The following RIMS3 variants were observed in gnomAD, a reference collection of about 807,000 sequenced individuals.
The protein encoded by RIMS3 is regulating synaptic membrane exocytosis protein 3.
In RIMS3, 15 loss-of-function variants were observed where a neutral mutation model predicts 29.2. The observed-to-expected ratio is 0.51, with a 90% CI of 0.34 to 0.79. The LOEUF is 0.79. Ranked by LOEUF, RIMS3 falls within the 30% of genes least tolerant of loss-of-function variation. The pLI is 0.01. For synonymous variants in RIMS3, 161 were observed against 170.1 expected, an observed-to-expected ratio of 0.95 and a Z score of 0.41; for missense variants, 342 against 421.4, an observed-to-expected ratio of 0.81 and a Z score of 1.65.
the RIMS3 span, among the ~76,000 whole-genome samples, chr1:40,680,847 AT>A: frequency 6.6e-6 from 1 of 152,196 alleles, no homozygotes; most frequent in Non-Finnish European, 1.5e-5. Flanking sequence ...TTTGAAACAC[AT>A]TGTCCATATT....
At chr1:40,664,877 G>C (rs1478584335) in intron 1 of RIMS3, among the ~76,000 whole-genome samples, 9 of 152,126 alleles carry the variant, frequency 5.9e-5, no homozygotes, top group Non-Finnish European at 1.2e-4. Context: ...TGCATTCCCA[G>C]CTTCCCAAAG....
chr1:40,635,211 T>C lies in RIMS3; in HGVS notation c.359+705A>G, dbSNP rs545987733. On this transcript the variant is annotated intron_variant, in intron 4 of 7. Coordinates refer to ENST00000372684, the MANE Select transcript of RIMS3 (RefSeq NM_014747.3). The surrounding 1 kb of genome is among the most constrained non-coding windows in gnomAD (Gnocchi z 4.1). The stretch of plus-strand genomic sequence containing the variant: ...AAGCAGAAAATCTTAGTCATACAAC[T>C]ATAATTTCATAGACTTAGAAGAGAT... 3.9e-5 allele frequency among the ~76,000 whole-genome samples: 6 copies of C among 152,322 alleles called. No individual in the cohort carries two copies. Among genetic ancestry groups the C allele is most frequent in the South Asian group, 2.1e-4 (1 of 4,826 alleles).
the RIMS3 span, among the ~76,000 whole-genome samples, chr1:40,678,132 G>T: frequency 6.6e-6 from 1 of 152,234 alleles, no homozygotes; most frequent in Non-Finnish European, 1.5e-5. Context: ...GCAGGGCCAG[G>T]TGCGGTGGCT....
At chr1:40,685,321 TTAATATATAATATAATTATATTATA>T in the RIMS3 span, among the ~76,000 whole-genome samples, 1 of 18,044 alleles carries the variant, frequency 5.5e-5, no homozygotes. Context: ...TATATAATTA[TTAATATATAATATAATTATATTATA>T]TATATATTAT....
At chr1:40,690,555 G>A in the RIMS3 span, 3 of 152,178 alleles carry the variant, frequency 2.0e-5, no homozygotes, top group African/African-American at 7.2e-5. Context: ...TGAAGGAATT[G>A]AGACTCCCTG....
At chr1:40,630,510 T>C (rs1001398231) in intron 5 of RIMS3, among the ~76,000 whole-genome samples, 4 of 152,200 alleles carry the variant, frequency 2.6e-5, no homozygotes, top group Non-Finnish European at 5.9e-5. Flanking sequence ...ATCATGAAAT[T>C]GTTTGTATTT....
chr1:40,681,363 A>T, the RIMS3 span: 1 of 151,558 alleles, frequency 6.6e-6, no homozygotes, highest in Non-Finnish European at 1.5e-5. Flanking sequence ...AGAAATCAGA[A>T]GTGGATTTTG....
chr1:40,691,038 G>A, the RIMS3 span: 1 of 152,236 alleles, frequency 6.6e-6, no homozygotes, highest in Non-Finnish European at 1.5e-5. Context: ...CAATCCTGAT[G>A]CCTTTGGACC....
Position 40,622,559 on chromosome 1 carries a change from G to A in RIMS3, c.*3958C>T, listed in dbSNP as rs1646428389. 1 of 152,390 alleles carries A rather than the reference G, an allele frequency of 6.6e-6. No individual in the cohort carries two copies. The highest frequency in any genetic ancestry group is 2.1e-4 in the South Asian group (1 of 4,834). The allele number at this position is 152,390 out of a possible 1,614,324, so 9.4% of individuals were successfully genotyped here. On this transcript the variant is annotated 3_prime_UTR_variant, in exon 8 of 8. Coordinates refer to ENST00000372684, the MANE Select transcript of RIMS3 (RefSeq NM_014747.3). ...TGGAAGAGAAAGGTAGGAGGAGGCA[G>A]GGAAGCAGGGCTCTTCTTTTCCATC...
chr1:40,633,203 C>T (rs767805925), intron 4 of RIMS3, 22 bp from the exon 5 acceptor site: 43 of 1,595,132 alleles, frequency 2.7e-5, no homozygotes, highest in African/African-American at 4.0e-5. Flanking sequence ...GGCAGAGGGA[C>T]GCGTGAGGGG....
At chr1:40,638,190 A>G (rs898872449) in intron 3 of RIMS3, among the ~76,000 whole-genome samples, 1 of 152,186 alleles carries the variant, frequency 6.6e-6, no homozygotes, top group African/African-American at 2.4e-5. Flanking sequence ...AGCTGGGACT[A>G]GATCAGGCCC....
chr1:40,643,132 G>A (rs1646570548), intron 2 of RIMS3, among the ~76,000 whole-genome samples: 1 of 151,552 alleles, frequency 6.6e-6, no homozygotes, highest in Non-Finnish European at 1.5e-5. Flanking sequence ...TCTTTTATTT[G>A]TATTTATTTA....
At chr1:40,674,812 T>C in the RIMS3 span, among the ~76,000 whole-genome samples, 2 of 152,206 alleles carry the variant, frequency 1.3e-5, no homozygotes, top group African/African-American at 4.8e-5. Context: ...AACCTTAGAC[T>C]TACCAGGCTT....
In RIMS3 at chr1:40,623,204, AGTGCTCCTTTCCTAGTAGAATTGGGTG is replaced by A. The variant is rs1050618666; in HGVS notation, c.*3286_*3312del. The A allele has an allele frequency of 2.6e-6, 1 of 389,896 alleles. No homozygotes were observed. Among genetic ancestry groups the A allele is most frequent in the African/African-American group, 2.1e-5 (1 of 48,456 alleles). The allele number at this position is 389,896 out of a possible 1,614,324, so 24.2% of individuals were successfully genotyped here. ...CTTGCTGCATCCCAAGAGCCTCCTA[AGTGCTCCTTTCCTAGTAGAATTGGGTG>A]GTAGAAGAAACCAGATGGGGAGTCA... On this transcript the variant is annotated 3_prime_UTR_variant, in exon 8 of 8. Transcript: ENST00000372684.
the RIMS3 span, among the ~76,000 whole-genome samples, chr1:40,682,691 C>T: frequency 6.7e-6 from 1 of 148,942 alleles, no homozygotes; most frequent in Admixed American, 6.7e-5. Flanking sequence ...TTAATTCACT[C>T]ATAGTCCCTT....
intron 3 of RIMS3, among the ~76,000 whole-genome samples, chr1:40,638,839 A>T (rs1646537835): frequency 6.6e-6 from 1 of 152,212 alleles, no homozygotes; most frequent in Non-Finnish European, 1.5e-5. Context: ...CATTTTACAG[A>T]AGAGGAAACT....
intron 4 of RIMS3, among the ~76,000 whole-genome samples, chr1:40,634,423 A>G (rs1646507456): frequency 6.6e-6 from 1 of 152,166 alleles, no homozygotes; most frequent in Non-Finnish European, 1.5e-5. Flanking sequence ...AAGGTTAAAT[A>G]AAGAAACTTA....
the RIMS3 span, among the ~76,000 whole-genome samples, chr1:40,676,941 A>T: frequency 2.0e-5 from 3 of 152,118 alleles, no homozygotes; most frequent in Non-Finnish European, 1.5e-5. Context: ...CCCTTAGGAC[A>T]ATTTATTTTC....
At chr1:40,637,733 C>T (rs1283848189) in intron 3 of RIMS3, among the ~76,000 whole-genome samples, 1 of 152,208 alleles carries the variant, frequency 6.6e-6, no homozygotes, top group South Asian at 2.1e-4. Flanking sequence ...ATGATCTTCA[C>T]ATGTAACACT....
Sources: gnomAD v4.1 joint callset for allele counts (sites outside exome capture counted in the v4.1 genomes callset) on GRCh38, gnomAD v4.1.1 for gene constraint, Gnocchi (gnomAD v3.1) non-coding constraint, MANE v1.5 for transcripts, NCBI Gene and HGNC (gene_info 2026-07-23, HGNC 2026-07-21) for gene names.